The following SULF1 variants were observed in gnomAD, a reference collection of about 807,000 sequenced individuals.
The protein encoded by SULF1 is sulfatase 1.
SULF1 carries 46 observed loss-of-function variants against 110.5 expected under a neutral mutation model. That is an observed-to-expected ratio of 0.42 (90% CI 0.33 to 0.53). The LOEUF is 0.53. SULF1 is among the 20% of genes least tolerant of loss of function. The pLI is 0.12. For synonymous variants in SULF1, 371 were observed against 387.1 expected (o/e 0.96, Z 0.49); for missense variants, 941 against 1,094.2 (o/e 0.86, Z 1.98).
intron 14 of SULF1, among the ~76,000 whole-genome samples, chr8:69,623,333 T>G (rs938753010): frequency 6.6e-6 from 1 of 152,198 alleles, no homozygotes; most frequent in Non-Finnish European, 1.5e-5. Context: ...AAGATTATAG[T>G]CCTAGCTCCA....
intron 1 of SULF1, among the ~76,000 whole-genome samples, chr8:69,482,168 G>T (rs1161821980): frequency 6.6e-6 from 1 of 152,052 alleles, no homozygotes; most frequent in Non-Finnish European, 1.5e-5. Flanking sequence ...TGACACAGAG[G>T]GTGAGGGCAT....
At position 69,586,401 on chromosome 8, in the gene SULF1, C is replaced by A; in HGVS notation, c.457C>A (p.Pro153Thr). 6.2e-7 allele frequency: 1 copy of A among 1,606,938 alleles called. No individual in the cohort carries two copies. Among genetic ancestry groups the A allele is most frequent in the Non-Finnish European group, 8.5e-7 (1 of 1,177,570 alleles). ...CAATGAATATAATGGCAGCTACATC[C>A]CCCCTGGGTGGCGAGAATGGCTTGG... ...YLNEYNGSYI[P>T]PGWREWLGLI... The change falls in exon 7 of 23, where the codon CCC becomes ACC. Residue 153 changes from proline to threonine, a missense_variant. Pro to Thr is a conservative substitution (Grantham distance 38). Around this residue, in one of 3 missense-constraint regions of SULF1, gnomAD observed 822 missense variants for 934.3 expected, o/e 0.88. Transcript: ENST00000402687.
chr8:69,539,049 G>C (rs16936039), intron 3 of SULF1, among the ~76,000 whole-genome samples: 2,181 of 152,196 alleles, frequency 0.014, 56 homozygotes, highest in African/African-American at 0.05. Context: ...GCTGGATCCC[G>C]TCTAGTGTCC....
chr8:69,467,145 G>C (rs1320707865), intron 1 of SULF1: 2 of 152,102 alleles, frequency 1.3e-5, no homozygotes, highest in African/African-American at 4.8e-5. Context: ...CTCATGCCTT[G>C]CTTTTGAAGG....
At position 69,583,295 on chromosome 8, in the gene SULF1, G is replaced by T. The variant is rs563822395; in HGVS notation, c.413-3062G>T. ...ATATGATGATTTGATTGGGCGCAGC[G>T]CCTCATGCCTGTAATCCCAGCACTT... On this transcript the variant is annotated intron_variant, in intron 6 of 22. Coordinates refer to ENST00000402687, the MANE Select transcript of SULF1 (RefSeq NM_001128205.2). Among the ~76,000 whole-genome samples the T allele has an allele frequency of 4.6e-5, 7 of 152,118 alleles. No homozygotes were observed. In the East Asian group the frequency reaches 7.7e-4, roughly 17 times the overall value.
chr8:69,492,391 A>T (rs1809985604), upstream of SULF1, among the ~76,000 whole-genome samples: 1 of 152,052 alleles, frequency 6.6e-6, no homozygotes, highest in African/African-American at 2.4e-5. Flanking sequence ...TCCTTAGGAA[A>T]ACAAGAGACC....
At chr8:69,472,772 C>T (rs758705646) in intron 1 of SULF1, among the ~76,000 whole-genome samples, 2 of 152,306 alleles carry the variant, frequency 1.3e-5, no homozygotes, top group Non-Finnish European at 2.9e-5. Flanking sequence ...AGCTAGTCTT[C>T]GTTGCCCTCT....
chr8:69,558,510 A>T (rs11784760), intron 3 of SULF1, among the ~76,000 whole-genome samples: 1 of 152,210 alleles, frequency 6.6e-6, no homozygotes, highest in South Asian at 2.1e-4. Context: ...CTTCAGATGC[A>T]TGGGCATTCA....
chr8:69,473,356 T>A (rs1252335177), intron 1 of SULF1: 1 of 152,216 alleles, frequency 6.6e-6, no homozygotes, highest in Non-Finnish European at 1.5e-5. Flanking sequence ...CTGTGCGGAA[T>A]AAATGAACAG....
At chr8:69,503,149 T>A (rs193072805) in intron 3 of SULF1, among the ~76,000 whole-genome samples, 131 of 152,368 alleles carry the variant, frequency 8.6e-4, no homozygotes, top group African/African-American at 2.9e-3. Context: ...CTTCTCTTTC[T>A]AATACTTATC....
At chr8:69,599,542 T>A (rs2890463) in intron 8 of SULF1, among the ~76,000 whole-genome samples, 42,535 of 152,084 alleles carry the variant, frequency 0.28, 6,939 homozygotes, top group African/African-American at 0.44. Flanking sequence ...AAACCTATTT[T>A]ACAGAGCAGC....
intron 3 of SULF1, among the ~76,000 whole-genome samples, chr8:69,536,923 A>G (rs1366626630): frequency 6.6e-6 from 1 of 152,136 alleles, no homozygotes; most frequent in Non-Finnish European, 1.5e-5. Flanking sequence ...CAGGCGCTTG[A>G]CTGCCTGAGT....
Position 69,620,581 on chromosome 8 carries a change from C to T in SULF1, c.1378-454C>T, listed in dbSNP as rs140361752. Among the ~76,000 whole-genome samples, 445 of 152,326 alleles carry T rather than the reference C, an allele frequency of 2.9e-3. 5 individuals are homozygous for T. Among genetic ancestry groups the T allele is most frequent in the African/African-American group, 0.01 (435 of 41,564 alleles). The stretch of plus-strand genomic sequence containing the variant: ...TCCAATTAAATTCATCTCTGTCTTC[C>T]TCATGTGCCATTCTTCCCTGGCTCA... On this transcript the variant is annotated intron_variant, in intron 13 of 22. Coordinates refer to ENST00000402687, the MANE Select transcript of SULF1 (RefSeq NM_001128205.2).
In SULF1 at chr8:69,603,253, G is replaced by T; in HGVS notation, c.1123G>T (p.Asp375Tyr). Residue 375 changes from aspartate to tyrosine, a missense_variant, in exon 11 of 23, where the codon GAC becomes TAC. Physicochemically the swap from Asp to Tyr is radical, Grantham distance 160. This residue lies in a region of SULF1 where 822 missense variants were observed against 934.3 expected (regional missense o/e 0.88). Transcript: ENST00000402687. Reference protein sequence around the residue: ...APTILDIAGLDTPPDVDGKSV... With the variant: ...APTILDIAGLYTPPDVDGKSV... The stretch of plus-strand genomic sequence containing the variant: ...CACGATCCTGGATATTGCTGGGCTC[G>T]ACACACCTCCTGATGTGGACGGCAA... The T allele has an allele frequency of 1.2e-6, 2 of 1,614,082 alleles. No individual in the cohort carries two copies. Among genetic ancestry groups the T allele is most frequent in the South Asian group, 1.1e-5 (1 of 91,066 alleles).
At chr8:69,556,834 G>C (rs1175994186) in intron 3 of SULF1, among the ~76,000 whole-genome samples, 1 of 152,072 alleles carries the variant, frequency 6.6e-6, no homozygotes, top group Non-Finnish European at 1.5e-5. Context: ...CGTGTGTCAT[G>C]GTGGCTTGCT....
chr8:69,549,146 C>A (rs1814509963), intron 3 of SULF1, among the ~76,000 whole-genome samples: 1 of 152,180 alleles, frequency 6.6e-6, no homozygotes, highest in African/African-American at 2.4e-5. Context: ...ATGGCAATGC[C>A]ATGCCTCAGC....
chr8:69,510,101 A>G (rs1811453606), intron 3 of SULF1, among the ~76,000 whole-genome samples: 1 of 152,188 alleles, frequency 6.6e-6, no homozygotes, highest in Non-Finnish European at 1.5e-5. Context: ...AGTTATAACT[A>G]GCTGAGCTAT....
At position 69,561,427 on chromosome 8, in the gene SULF1, G is replaced by C. The variant is rs28544134; in HGVS notation, c.-133-2112G>C. 9.2e-3 allele frequency among the ~76,000 whole-genome samples: 1,394 copies of C among 152,140 alleles called. 15 individuals are homozygous for C. The highest frequency in any genetic ancestry group is 0.015 in the Non-Finnish European group (1,019 of 68,000). On this transcript the variant is annotated intron_variant, in intron 3 of 22. Coordinates refer to ENST00000402687, the MANE Select transcript of SULF1 (RefSeq NM_001128205.2). ...TGATTTTTGATGTAGTTTATACAAAGGTATCATTAAAGCTAATTTGCTTTT... is the reference window on the plus strand; with the variant it reads ...TGATTTTTGATGTAGTTTATACAAACGTATCATTAAAGCTAATTTGCTTTT...
At position 69,586,416 on chromosome 8, in the gene SULF1, G is replaced by C; in HGVS notation, c.472G>C (p.Glu158Gln). Residue 158 changes from glutamate to glutamine, a missense_variant, in exon 7 of 23, where the codon GAA (glutamate) becomes CAA (glutamine). Glu to Gln is a conservative substitution (Grantham distance 29). Around this residue, in one of 3 missense-constraint regions of SULF1, gnomAD observed 822 missense variants for 934.3 expected, o/e 0.88. Coordinates refer to ENST00000402687, the MANE Select transcript of SULF1 (RefSeq NM_001128205.2). ...CAGCTACATCCCCCCTGGGTGGCGA[G>C]AATGGCTTGGATTAATCAAGAATTC... ...NGSYIPPGWR[E>Q]WLGLIKNSRF... 1 of 1,611,114 alleles carries C rather than the reference G, an allele frequency of 6.2e-7. No individual in the cohort carries two copies. Among genetic ancestry groups the C allele is most frequent in the African/African-American group, 1.3e-5 (1 of 74,936 alleles).
Sources: allele counts gnomAD v4.1 joint callset (sites outside exome capture counted in the v4.1 genomes callset), GRCh38; gene constraint gnomAD v4.1.1; regional missense constraint gnomAD v4.1.1; transcripts MANE v1.5; gene names NCBI Gene and HGNC (gene_info 2026-07-23, HGNC 2026-07-21).